Variants in PRTG observed in about 807,000 individuals in gnomAD.
PRTG encodes the protein protogenin, also known as immunoglobulin superfamily, DCC subclass, member 5.
A neutral mutation model predicts 122.5 loss-of-function variants in PRTG; 67 were observed. That is an observed-to-expected ratio of 0.55 (90% CI 0.45 to 0.67). The LOEUF (loss-of-function observed/expected upper bound fraction) is 0.67. Among genes scored for constraint, PRTG ranks in the 30% least tolerant of loss-of-function variants. The probability of loss-of-function intolerance (pLI) is 0.00; values close to 1 mark genes in which losing one functional copy is unlikely to be tolerated. For synonymous variants in PRTG, 554 were observed against 501.1 expected (o/e 1.11, Z -1.41); for missense variants, 1,435 against 1,415.4 (o/e 1.01, Z -0.22).
intron 2 of PRTG, among the ~76,000 whole-genome samples, chr15:55,709,168 A>G (rs1328164947): frequency 6.8e-6 from 1 of 147,030 alleles, no homozygotes; most frequent in African/African-American, 2.5e-5. Context: ...AAAAAAAAAA[A>G]AAAAAAGAAT....
chr15:55,701,258 C>T (rs367770367), intron 2 of PRTG, among the ~76,000 whole-genome samples: 13 of 152,156 alleles, frequency 8.5e-5, no homozygotes, highest in South Asian at 2.1e-4. Flanking sequence ...CATTCTTGGC[C>T]GGGCGCGGTG....
chr15:55,702,313 G>A (rs1027299393), intron 2 of PRTG, among the ~76,000 whole-genome samples: 3 of 152,094 alleles, frequency 2.0e-5, no homozygotes. Flanking sequence ...AGGAGCTTAG[G>A]ATATCTTGTT....
chr15:55,705,290 T>C (rs1156680617), intron 2 of PRTG, among the ~76,000 whole-genome samples: 4 of 152,176 alleles, frequency 2.6e-5, no homozygotes, highest in Non-Finnish European at 5.9e-5. Context: ...CATACATTCA[T>C]GCAAAAAGAA....
Position 55,638,657 on chromosome 15 carries a change from C to G in PRTG, c.2344G>C (p.Val782Leu). 1 of 1,612,946 alleles carries G rather than the reference C, an allele frequency of 6.2e-7. No individual in the cohort carries two copies. The change falls in exon 14 of 20, where the codon GTT becomes CTT. Residue 782 changes from valine to leucine, a missense_variant. Coordinates refer to ENST00000389286, the MANE Select transcript of PRTG (RefSeq NM_173814.6). ...TTGGTGTTTGGTTCTAGACCTTGAA[C>G]CAACATGTGAGTTTCTGATCTATAA... ...YLQTSETHML[V>L]QGLEPNTKYE...
intron 2 of PRTG, among the ~76,000 whole-genome samples, chr15:55,700,359 G>A (rs1168550245): frequency 6.6e-6 from 1 of 152,172 alleles, no homozygotes; most frequent in Non-Finnish European, 1.5e-5. Context: ...ATGTAAAAGT[G>A]TAAAACATTT....
chr15:55,612,089 A>C lies in PRTG; in HGVS notation c.*7923T>G, dbSNP rs2059122786. The C allele has an allele frequency of 6.6e-6, 1 of 152,098 alleles. No homozygotes were observed. 9.4% of individuals were successfully genotyped at this position (152,098 alleles called of 1,614,324 possible). On this transcript the variant is annotated 3_prime_UTR_variant, in exon 20 of 20. Coordinates refer to ENST00000389286, the MANE Select transcript of PRTG (RefSeq NM_173814.6). ...CAGCAACAAGCAGACACATTTTCTT[A>C]ACATATGTCCTCTACTCTACTGATA...
chr15:55,623,491 G>A (rs575267667), intron 18 of PRTG, among the ~76,000 whole-genome samples: 17 of 152,088 alleles, frequency 1.1e-4, no homozygotes, highest in Non-Finnish European at 2.4e-4. Flanking sequence ...CGCTCGAACC[G>A]GGAGGTGGAG....
chr15:55,641,822 T>C (rs563031266), intron 11 of PRTG, among the ~76,000 whole-genome samples: 1 of 152,286 alleles, frequency 6.6e-6, no homozygotes, highest in South Asian at 2.1e-4. Flanking sequence ...GTTTATTAAC[T>C]ATCACGATAC....
intron 2 of PRTG, among the ~76,000 whole-genome samples, chr15:55,696,874 G>A (rs1001642192): frequency 1.3e-5 from 2 of 152,070 alleles, no homozygotes; most frequent in African/African-American, 4.8e-5. Context: ...ATCAAAATAC[G>A]TGACTAAGTA....
intron 2 of PRTG, among the ~76,000 whole-genome samples, chr15:55,703,730 A>G (rs1218607521): frequency 6.6e-6 from 1 of 152,224 alleles, no homozygotes; most frequent in African/African-American, 2.4e-5. Context: ...TGCCTATTAC[A>G]TCTTTCTCAA....
chr15:55,649,054 G>A (rs1474278395), intron 11 of PRTG, among the ~76,000 whole-genome samples: 4 of 149,958 alleles, frequency 2.7e-5, no homozygotes, highest in East Asian at 2.0e-4. Context: ...CCGAGATCAC[G>A]CCACTGCACT....
At chr15:55,631,726 T>C (rs752969580) in intron 15 of PRTG, among the ~76,000 whole-genome samples, 21 of 152,244 alleles carry the variant, frequency 1.4e-4, no homozygotes, top group Non-Finnish European at 2.4e-4. Flanking sequence ...TCTCGTCATG[T>C]AACCAAGCGA....
At chr15:55,679,723 T>C in intron 6 of PRTG, 1 of 423,538 alleles carries the variant, frequency 2.4e-6, no homozygotes, top group South Asian at 4.2e-5. Context: ...TATAGCCACA[T>C]GCGAATGCAG....
In PRTG at chr15:55,624,426, C is replaced by T. The variant is rs750652782; in HGVS notation, c.3009G>A (p.Glu1003=). The change falls in exon 18 of 20, where the codon GAG becomes GAA. Residue 1003 remains glutamate (E), a synonymous_variant. Coordinates refer to ENST00000389286, the MANE Select transcript of PRTG (RefSeq NM_173814.6). ...CAGCTCCTTCCAGGTTCTTTCCTACCTCATTTCCACTAGCTAAGGAGGCAC... is the reference window on the plus strand; with the variant it reads ...CAGCTCCTTCCAGGTTCTTTCCTACTTCATTTCCACTAGCTAAGGAGGCAC... ...RTSASLASGN[E]VGKNLEGAVG... is the part of the protein sequence containing the mutation. 4.3e-6 allele frequency: 7 copies of T among 1,613,950 alleles called. No homozygotes were observed. The highest frequency in any genetic ancestry group is 4.5e-5 in the East Asian group (2 of 44,874).
intron 6 of PRTG, 152 bp from the exon 7 acceptor site, chr15:55,679,597 T>A (rs577332089): frequency 3.4e-6 from 2 of 586,772 alleles, no homozygotes; most frequent in African/African-American, 3.7e-5. Flanking sequence ...TCTCTCCAGG[T>A]GCCTTTTCTC....
At chr15:55,632,858 C>G (rs568707198) in intron 15 of PRTG, among the ~76,000 whole-genome samples, 2 of 152,166 alleles carry the variant, frequency 1.3e-5, no homozygotes, top group African/African-American at 2.4e-5. Flanking sequence ...TTGGTCACTG[C>G]GGTACTGCCA....
intron 2 of PRTG, among the ~76,000 whole-genome samples, chr15:55,685,852 C>A (rs888372154): frequency 1.3e-5 from 2 of 152,174 alleles, no homozygotes; most frequent in Admixed American, 6.6e-5. Flanking sequence ...AAATCGATAT[C>A]ATGAATCTAT....
chr15:55,653,418 G>C (rs1051059237), intron 11 of PRTG, among the ~76,000 whole-genome samples: 1 of 151,582 alleles, frequency 6.6e-6, no homozygotes, highest in Non-Finnish European at 1.5e-5. Context: ...TGTCCTTTGA[G>C]AATCAGTTTC....
intron 2 of PRTG, among the ~76,000 whole-genome samples, chr15:55,720,398 A>C (rs72750528): frequency 4.6e-5 from 7 of 152,316 alleles, no homozygotes; most frequent in Non-Finnish European, 1.0e-4. Context: ...CATAAAAAAA[A>C]AACTATGGCT....
Sources: gnomAD v4.1 joint callset for allele counts (sites outside exome capture counted in the v4.1 genomes callset) on GRCh38, gnomAD v4.1.1 for gene constraint, MANE v1.5 for transcripts, NCBI Gene and HGNC (gene_info 2026-07-23, HGNC 2026-07-21) for gene names.